The following ARHGAP10 variants were observed in gnomAD, a reference collection of about 807,000 sequenced individuals.
ARHGAP10 encodes Rho GTPase activating protein 10.
A neutral mutation model predicts 108.6 loss-of-function variants in ARHGAP10; 87 were observed. The ratio of observed to expected loss-of-function variants is 0.80; its 90% CI spans 0.67 to 0.96. The LOEUF is 0.96. ARHGAP10 is among the 40% of genes least tolerant of loss of function. The pLI, the probability that ARHGAP10 is intolerant of heterozygous loss-of-function variation, is 0.00. For missense variants in ARHGAP10, 939 were observed against 954.5 expected, an observed-to-expected ratio of 0.98 and a Z score of 0.21; for synonymous variants, 347 against 341.1, an observed-to-expected ratio of 1.02 and a Z score of -0.19.
chr4:147,741,127 T>C (rs1365438287), intron 1 of ARHGAP10, among the ~76,000 whole-genome samples: 2 of 152,236 alleles, frequency 1.3e-5, no homozygotes, highest in Non-Finnish European at 2.9e-5. Context: ...AAAAGGACTT[T>C]GTTAATTGAT....
intron 3 of ARHGAP10, among the ~76,000 whole-genome samples, chr4:147,837,685 A>G (rs1274087821): frequency 1.1e-5 from 1 of 90,560 alleles, no homozygotes. Context: ...TTTGAATCCA[A>G]GTCTTGGATG....
chr4:147,955,555 C>T (rs978935446), intron 16 of ARHGAP10, among the ~76,000 whole-genome samples, 181 bp downstream of exon 16: 6 of 152,088 alleles, frequency 3.9e-5, no homozygotes, highest in African/African-American at 1.4e-4. Flanking sequence ...ACAGTATATT[C>T]TTTCATTTAT....
At position 148,038,047 on chromosome 4, in the gene ARHGAP10, G is replaced by A. The variant is rs1173694657; in HGVS notation, c.1868-8845G>A. ...CAAGTCCAAAAACATTTGAACTGGG[G>A]TAGGAAAATACAAATTTTGGTTTAT... On this transcript the variant is annotated intron_variant, in intron 19 of 22. Transcript: ENST00000336498. 3.3e-5 allele frequency among the ~76,000 whole-genome samples: 5 copies of A among 152,138 alleles called. No homozygotes were observed. In the South Asian group the frequency reaches 1.0e-3, roughly 32 times the overall value.
intron 18 of ARHGAP10, among the ~76,000 whole-genome samples, chr4:147,970,609 G>A (rs544136609): frequency 4.6e-5 from 7 of 152,254 alleles, no homozygotes; most frequent in African/African-American, 1.4e-4. Context: ...AGTCACTAAA[G>A]CAAAGAGGAA....
chr4:148,065,996 A>AAAAAG (rs397731212), intron 22 of ARHGAP10, among the ~76,000 whole-genome samples: 19 of 150,362 alleles, frequency 1.3e-4, no homozygotes, highest in Non-Finnish European at 1.8e-4. Context: ...AAAAAAAAAA[A>AAAAAG]GGGTTGAGGG....
At chr4:147,906,769 T>C in intron 11 of ARHGAP10, 50 bp downstream of exon 11, 6 of 1,593,576 alleles carry the variant, frequency 3.8e-6, no homozygotes, top group Non-Finnish European at 5.2e-6. Flanking sequence ...TAGAGTTGAC[T>C]TGCATTCATT....
At chr4:148,055,532 T>C (rs552282513) in intron 20 of ARHGAP10, among the ~76,000 whole-genome samples, 1 of 151,944 alleles carries the variant, frequency 6.6e-6, no homozygotes, top group African/African-American at 2.4e-5. Flanking sequence ...CTACTGAAAA[T>C]ACAAAAATTA....
At chr4:147,947,601 C>T (rs559716084) in intron 15 of ARHGAP10, among the ~76,000 whole-genome samples, 2 of 151,940 alleles carry the variant, frequency 1.3e-5, no homozygotes, top group African/African-American at 2.4e-5. Flanking sequence ...TGGGGTTTCG[C>T]CATGTTGACC....
chr4:147,858,476 G>A (rs1367921736), intron 5 of ARHGAP10: 3 of 152,072 alleles, frequency 2.0e-5, no homozygotes, highest in Non-Finnish European at 2.9e-5. Context: ...TTAAATGTTA[G>A]CTATTTAGTT....
chr4:147,965,672 G>A (rs1739178268), intron 17 of ARHGAP10, among the ~76,000 whole-genome samples: 1 of 152,170 alleles, frequency 6.6e-6, no homozygotes, highest in South Asian at 2.1e-4. Context: ...TACATATAAA[G>A]AAAATGAAGG....
intron 19 of ARHGAP10, among the ~76,000 whole-genome samples, chr4:148,043,319 G>T (rs1198824225): frequency 4.6e-5 from 7 of 151,842 alleles, no homozygotes; most frequent in South Asian, 2.1e-4. Context: ...TCACTCACTG[G>T]AACAACCTTT....
At chr4:147,991,835 T>C (rs1740291009) in intron 18 of ARHGAP10, among the ~76,000 whole-genome samples, 1 of 152,198 alleles carries the variant, frequency 6.6e-6, no homozygotes, top group African/African-American at 2.4e-5. Context: ...TTAACTGCCG[T>C]AGTGAGGAAC....
chr4:147,863,110 T>C (rs1734395976), intron 5 of ARHGAP10: 1 of 152,256 alleles, frequency 6.6e-6, no homozygotes, highest in Non-Finnish European at 1.5e-5. Flanking sequence ...CAATAAAATG[T>C]ATGATTTTAT....
At chr4:148,029,995 C>CG (rs1181423389) in intron 19 of ARHGAP10, among the ~76,000 whole-genome samples, 1 of 115,814 alleles carries the variant, frequency 8.6e-6, no homozygotes, top group Non-Finnish European at 1.7e-5. Context: ...GGCTCAGCAT[C>CG]CCCCCCCCCA....
intron 1 of ARHGAP10, among the ~76,000 whole-genome samples, chr4:147,751,327 A>G (rs1729137654): frequency 6.6e-6 from 1 of 152,082 alleles, no homozygotes; most frequent in African/African-American, 2.4e-5. Flanking sequence ...AATTAATGAT[A>G]ATAATGGTGG....
intron 20 of ARHGAP10, among the ~76,000 whole-genome samples, chr4:148,059,940 C>T (rs1729530604): frequency 1.3e-5 from 2 of 149,970 alleles, no homozygotes; most frequent in African/African-American, 2.5e-5. Flanking sequence ...CTTAGAAAAC[C>T]CAGATCTTTT....
At chr4:148,027,698 T>G (rs1240059050) in intron 19 of ARHGAP10, among the ~76,000 whole-genome samples, 2 of 152,154 alleles carry the variant, frequency 1.3e-5, no homozygotes, top group Non-Finnish European at 2.9e-5. Flanking sequence ...TTTGAATAAT[T>G]AGCTAAAATT....
intron 10 of ARHGAP10, among the ~76,000 whole-genome samples, chr4:147,893,555 C>T (rs560762171): frequency 2.3e-3 from 332 of 146,952 alleles, no homozygotes; most frequent in Middle Eastern, 3.6e-3. Context: ...ACATGTATTT[C>T]ACATATTTCA....
chr4:148,002,999 G>A (rs919986953), intron 18 of ARHGAP10, among the ~76,000 whole-genome samples: 6 of 152,090 alleles, frequency 3.9e-5, no homozygotes, highest in African/African-American at 1.2e-4. Flanking sequence ...TCTTTTAATT[G>A]TGATGTTAGG....
Sources: gnomAD v4.1 joint callset for allele counts (sites outside exome capture counted in the v4.1 genomes callset) on GRCh38, gnomAD v4.1.1 for gene constraint, MANE v1.5 for transcripts, NCBI Gene and HGNC (gene_info 2026-07-23, HGNC 2026-07-21) for gene names.